SETBP1: variants seen among roughly 807,000 people sequenced by gnomAD.
SETBP1 encodes SET binding protein 1.
In SETBP1, 9 loss-of-function variants were observed where a neutral mutation model predicts 101.0. That is an observed-to-expected ratio of 0.09 (90% CI 0.05 to 0.16). SETBP1 has a LOEUF of 0.16. Among genes scored for constraint, SETBP1 ranks in the 10% least tolerant of loss-of-function variants. The pLI is 1.00. For synonymous variants in SETBP1, 818 were observed against 788.5 expected (o/e 1.04, Z -0.63); for missense variants, 1,858 against 2,033.8 (o/e 0.91, Z 1.66).
chr18:44,892,838 C>G (rs895324106), intron 3 of SETBP1, among the ~76,000 whole-genome samples: 1 of 152,090 alleles, frequency 6.6e-6, no homozygotes, highest in Non-Finnish European at 1.5e-5. Context: ...TTTTCTCAAC[C>G]AAGCCTTTAT....
chr18:44,895,990 C>A (rs565738221), intron 3 of SETBP1, among the ~76,000 whole-genome samples: 2 of 152,292 alleles, frequency 1.3e-5, no homozygotes, highest in South Asian at 4.1e-4. Flanking sequence ...CTTACACACA[C>A]TCCCTGATAG....
chr18:44,700,032 C>T (rs2069089985), intron 1 of SETBP1, among the ~76,000 whole-genome samples: 1 of 152,172 alleles, frequency 6.6e-6, no homozygotes, highest in South Asian at 2.1e-4. Context: ...TGTTCAGCAG[C>T]TGAGAAAGCT....
intron 4 of SETBP1, among the ~76,000 whole-genome samples, chr18:45,000,244 A>G (rs949240435): frequency 6.6e-6 from 1 of 152,232 alleles, no homozygotes; most frequent in African/African-American, 2.4e-5. Flanking sequence ...GTTATTAGGC[A>G]CTAAGACATT....
chr18:44,763,844 C>A (rs112251004), intron 2 of SETBP1, among the ~76,000 whole-genome samples: 2,581 of 152,244 alleles, frequency 0.017, 39 homozygotes, highest in Non-Finnish European at 0.027. Flanking sequence ...TTTCTGAATC[C>A]TTTGCTGGTC....
intron 4 of SETBP1, among the ~76,000 whole-genome samples, chr18:44,992,637 T>G (rs961761686): frequency 6.6e-6 from 1 of 151,994 alleles, no homozygotes; most frequent in African/African-American, 2.4e-5. Context: ...AGAATATAAC[T>G]TAAAAATATC....
intron 3 of SETBP1, among the ~76,000 whole-genome samples, chr18:44,909,897 C>A (rs2144874579): frequency 6.6e-6 from 1 of 152,306 alleles, no homozygotes; most frequent in East Asian, 1.9e-4. Flanking sequence ...CTTGGAGAAT[C>A]ACAGAATTAG....
At position 44,701,156 on chromosome 18, in the gene SETBP1, C is replaced by A. The variant is rs2069109090; in HGVS notation, c.-172-19C>A. 1.2e-5 allele frequency: 6 copies of A among 502,604 alleles called. No individual in the cohort carries two copies. The highest frequency in any genetic ancestry group is 2.0e-5 in the Non-Finnish European group (6 of 301,508). The allele number at this position is 502,604 out of a possible 1,614,324, so 31.1% of individuals were successfully genotyped here. A position where few individuals can be genotyped will look rare whatever the true frequency, so the allele number is the denominator to read the frequency against. On this transcript the variant is annotated intron_variant, in intron 1 of 5. Transcript: ENST00000649279. Reference sequence around the variant, plus strand: ...TCATTTTCCTTTCTGCCATGCCTAACTGTCTCTTTGCTTCTCAGTTGCAGA... The same window carrying A: ...TCATTTTCCTTTCTGCCATGCCTAAATGTCTCTTTGCTTCTCAGTTGCAGA...
chr18:44,828,013 T>G (rs971986464), intron 2 of SETBP1, among the ~76,000 whole-genome samples: 3 of 152,224 alleles, frequency 2.0e-5, no homozygotes, highest in Non-Finnish European at 2.9e-5. Flanking sequence ...CAAGAGAGAT[T>G]AAGAGACTAG....
chr18:44,939,479 C>G (rs189307719), intron 3 of SETBP1, among the ~76,000 whole-genome samples: 1 of 152,120 alleles, frequency 6.6e-6, no homozygotes, highest in Non-Finnish European at 1.5e-5. Flanking sequence ...TTGATTGGCA[C>G]CTGAACCGCT....
intron 5 of SETBP1, among the ~76,000 whole-genome samples, chr18:45,041,374 G>A (rs1398916157): frequency 6.6e-6 from 1 of 152,190 alleles, no homozygotes; most frequent in African/African-American, 2.4e-5. Context: ...ATATAGTACT[G>A]TAATATGTAT....
intron 2 of SETBP1, among the ~76,000 whole-genome samples, chr18:44,763,388 A>G (rs1336016516): frequency 1.3e-5 from 2 of 152,234 alleles, no homozygotes; most frequent in Admixed American, 6.5e-5. Flanking sequence ...TCACCTCTAC[A>G]ATAAGAAAAG....
rs1160911299 is a variant in SETBP1 at position 44,952,418 on chromosome 18, T to C, written c.3078T>C (p.Asn1026=). 1 of 1,614,192 alleles carries C rather than the reference T, an allele frequency of 6.2e-7. No individual in the cohort carries two copies. The highest frequency in any genetic ancestry group is 1.1e-5 in the South Asian group (1 of 91,086). ...KKKRGRPAKT[N]DTMTKVPFLQ... ...AGCGTGGTAGGCCTGCAAAAACCAATGACACCATGACAAAGGTGCCTTTTT... is the reference window on the plus strand; with the variant it reads ...AGCGTGGTAGGCCTGCAAAAACCAACGACACCATGACAAAGGTGCCTTTTT... The change falls in exon 4 of 6, where the codon AAT becomes AAC. Residue 1026 remains asparagine (N), a synonymous_variant. Transcript: ENST00000649279.
intron 3 of SETBP1, among the ~76,000 whole-genome samples, chr18:44,901,476 G>A (rs1212831016): frequency 6.6e-6 from 1 of 152,090 alleles, no homozygotes; most frequent in Admixed American, 6.6e-5. Context: ...GTGACTTCTG[G>A]CCACCGAGGG....
intron 3 of SETBP1, among the ~76,000 whole-genome samples, chr18:44,934,274 A>C (rs2145008979): frequency 6.6e-6 from 1 of 151,858 alleles, no homozygotes; most frequent in East Asian, 1.9e-4. Context: ...TCAGCCTCCC[A>C]AGTAGCTGAG....
At position 44,940,565 on chromosome 18, in the gene SETBP1, G is replaced by A. The variant is rs572588825; in HGVS notation, c.541-9316G>A. On this transcript the variant is annotated intron_variant, in intron 3 of 5. Transcript: ENST00000649279. The stretch of plus-strand genomic sequence containing the variant: ...CTGATTGCTGTAGAGATTACAATGC[G>A]TACCCTTAAAATATTACAGTCTACT... 2.4e-4 allele frequency among the ~76,000 whole-genome samples: 36 copies of A among 151,992 alleles called. 1 individual carries two copies. The highest frequency in any genetic ancestry group is 3.9e-4 in the African/African-American group (16 of 41,448).
intron 4 of SETBP1, among the ~76,000 whole-genome samples, chr18:45,033,317 A>G (rs1320716563): frequency 3.3e-5 from 5 of 152,250 alleles, no homozygotes; most frequent in Non-Finnish European, 7.3e-5. Flanking sequence ...CGCTTCGTCC[A>G]CACATATGAT....
chr18:45,013,026 A>C (rs1388841466), intron 4 of SETBP1, among the ~76,000 whole-genome samples: 1 of 152,246 alleles, frequency 6.6e-6, no homozygotes. Flanking sequence ...CAGTCCTGGA[A>C]GGCGACAGGA....
intron 3 of SETBP1, among the ~76,000 whole-genome samples, chr18:44,947,197 T>C (rs2071226638): frequency 6.6e-6 from 1 of 152,152 alleles, no homozygotes; most frequent in Non-Finnish European, 1.5e-5. Flanking sequence ...TGAAAACTTA[T>C]AATGGGGGTA....
intron 5 of SETBP1, among the ~76,000 whole-genome samples, chr18:45,043,198 GT>G (rs1207625170): frequency 6.6e-6 from 1 of 152,124 alleles, no homozygotes. Context: ...TCAGAAACAT[GT>G]TTTTTCCCCT....
Sources: gnomAD v4.1 joint callset for allele counts (sites outside exome capture counted in the v4.1 genomes callset) on GRCh38, gnomAD v4.1.1 for gene constraint, MANE v1.5 for transcripts, NCBI Gene and HGNC (gene_info 2026-07-23, HGNC 2026-07-21) for gene names.